The following SNX5 variants were observed in gnomAD, a reference collection of about 807,000 sequenced individuals.
The protein encoded by SNX5 is sorting nexin 5, also known as sorting nexin-5.
SNX5 carries 31 observed loss-of-function variants against 53.9 expected under a neutral mutation model. That is an observed-to-expected ratio of 0.58 (90% CI 0.43 to 0.78). The LOEUF is 0.78. SNX5 is among the 30% of genes least tolerant of loss of function. The probability of loss-of-function intolerance (pLI) is 0.00; values close to 1 mark genes in which losing one functional copy is unlikely to be tolerated. For synonymous variants in SNX5, 168 were observed against 171.1 expected (o/e 0.98, Z 0.14); for missense variants, 471 against 478.8 (o/e 0.98, Z 0.15).
rs1568590188 is a variant in SNX5, at chr20:17,950,273, G to C, written c.715+18C>G. The stretch of plus-strand genomic sequence containing the variant: ...AGGCTCATCAGCAAAGCTCTGACTA[G>C]CGGTAAATGATATTTACTTTTATGA... On this transcript the variant is annotated intron_variant, in intron 7 of 12. Coordinates refer to ENST00000377759, the MANE Select transcript of SNX5 (RefSeq NM_014426.4). 1 of 1,605,800 alleles carries C rather than the reference G, an allele frequency of 6.2e-7. No homozygotes were observed. The highest frequency in any genetic ancestry group is 1.7e-4 in the Middle Eastern group (1 of 6,046).
At chr20:17,949,667 T>C (rs938203540) in intron 8 of SNX5, among the ~76,000 whole-genome samples, 5 of 152,198 alleles carry the variant, frequency 3.3e-5, no homozygotes, top group African/African-American at 7.2e-5. Flanking sequence ...TGTGTTAGAC[T>C]GGGGTCATTA....
rs367713822 is a variant in SNX5, at chr20:17,955,393, A to G, written c.239T>C (p.Ile80Thr). 5.6e-6 allele frequency: 9 copies of G among 1,613,686 alleles called. No individual in the cohort carries two copies. The highest frequency in any genetic ancestry group is 1.7e-5 in the Admixed American group (1 of 60,008). Reference sequence around the variant, plus strand: ...AAGCCCAGCATAGTCTGTTGTTTCAATAAGAGTGTCATGTAGCCACACAAA... The same window carrying G: ...AAGCCCAGCATAGTCTGTTGTTTCAGTAAGAGTGTCATGTAGCCACACAAA... Reference protein sequence around the residue: ...EDFVWLHDTLIETTDYAGLII... With the variant: ...EDFVWLHDTLTETTDYAGLII... Residue 80 changes from isoleucine to threonine, a missense_variant, in exon 3 of 13, where the codon ATT (isoleucine) becomes ACT (threonine). Ile to Thr is a moderately conservative substitution (Grantham distance 89). Transcript: ENST00000377759.
rs780981111 is a variant in SNX5 at position 17,952,649 on chromosome 20, A to T, written c.451T>A (p.Ser151Thr). 2.5e-6 allele frequency: 4 copies of T among 1,614,156 alleles called. No individual in the cohort carries two copies. In the South Asian group the frequency reaches 4.4e-5, roughly 18 times the overall value. ...SSHEVFLQRLSSHPVLSKDRN... is the reference protein window; with the variant it reads ...SSHEVFLQRLTSHPVLSKDRN... ...TCTTTACTGAGAACAGGGTGAGAAG[A>T]AAGCCGCTGAAGAAAGACTTCATGG... Residue 151 changes from serine (S) to threonine (T), a missense_variant, in exon 5 of 13, where the codon TCT becomes ACT. Physicochemically the swap from Ser to Thr is moderately conservative, Grantham distance 58. Coordinates refer to ENST00000377759, the MANE Select transcript of SNX5 (RefSeq NM_014426.4).
chr20:17,965,743 T>C (rs1425747577), intron 1 of SNX5, among the ~76,000 whole-genome samples: 3 of 151,858 alleles, frequency 2.0e-5, no homozygotes, highest in Non-Finnish European at 4.4e-5. Flanking sequence ...TAATGACCTT[T>C]TAGAGTATTC....
At chr20:17,955,703 C>T (rs1265472488) in intron 2 of SNX5, among the ~76,000 whole-genome samples, 6 of 152,216 alleles carry the variant, frequency 3.9e-5, no homozygotes, top group Non-Finnish European at 5.9e-5. Context: ...TAATGAATAT[C>T]CCATCAGAAT....
intron 3 of SNX5, 151 bp from the exon 4 acceptor site, chr20:17,954,268 C>A: frequency 1.6e-6 from 2 of 1,264,696 alleles, no homozygotes; most frequent in African/African-American, 3.0e-5. Flanking sequence ...TCTTAACCTT[C>A]CTTAACTCTT....
In SNX5 at chr20:17,954,077, C is replaced by A. The variant is rs762534744; in HGVS notation, c.308G>T (p.Arg103Leu). The A allele has an allele frequency of 1.2e-6, 2 of 1,613,890 alleles. No homozygotes were observed. The highest frequency in any genetic ancestry group is 2.2e-5 in the East Asian group (1 of 44,882). The stretch of plus-strand genomic sequence containing the variant: ...TTCTCCCAGTTTCTGCATCTTCTCT[C>A]GAGGACCATCAAAGTCGGGCTTCGT... Reference protein sequence around the residue: ...APTKPDFDGPREKMQKLGEGE... With the variant: ...APTKPDFDGPLEKMQKLGEGE... Residue 103 changes from arginine (R) to leucine (L), a missense_variant, in exon 4 of 13, where the codon CGA (arginine) becomes CTA (leucine). Transcript: ENST00000377759.
chr20:17,958,799 T>G (rs1217379886), intron 1 of SNX5, among the ~76,000 whole-genome samples: 1 of 152,186 alleles, frequency 6.6e-6, no homozygotes, highest in African/African-American at 2.4e-5. Context: ...TCTGCTAAGT[T>G]AACACTGGCA....
intron 1 of SNX5, among the ~76,000 whole-genome samples, chr20:17,964,293 G>GT (rs2035503232): frequency 6.6e-6 from 1 of 151,944 alleles, no homozygotes; most frequent in Non-Finnish European, 1.5e-5. Flanking sequence ...ATGCTTAGGA[G>GT]TGTGCCCTTC....
intron 11 of SNX5, chr20:17,945,602 C>G (rs1051636404): frequency 1.2e-4 from 18 of 150,192 alleles, no homozygotes; most frequent in Middle Eastern, 3.4e-3. Context: ...TGTACGTTTC[C>G]TTGAAAATTT....
At chr20:17,961,910 A>C in intron 1 of SNX5, 1 of 985,108 alleles carries the variant, frequency 1.0e-6, no homozygotes, top group Non-Finnish European at 1.2e-6. Context: ...AATATTTGTT[A>C]AGTGAGAATA....
intron 1 of SNX5, 21 bp from the exon 2 acceptor site, chr20:17,957,058 A>G: frequency 7.2e-7 from 1 of 1,395,588 alleles, no homozygotes; most frequent in Non-Finnish European, 1.0e-6. Flanking sequence ...TTTTTTGCGT[A>G]TTAGTTTCAA....
chr20:17,949,132 A>T, intron 8 of SNX5, 29 bp from the exon 9 acceptor site: 2 of 1,598,620 alleles, frequency 1.3e-6, no homozygotes, highest in Non-Finnish European at 1.7e-6. Flanking sequence ...TTTTGGTTTA[A>T]GGTCTTAAAT....
chr20:17,964,909 C>T (rs2035513802), intron 1 of SNX5, among the ~76,000 whole-genome samples: 1 of 152,200 alleles, frequency 6.6e-6, no homozygotes, highest in African/African-American at 2.4e-5. Flanking sequence ...ACACGAAGCC[C>T]TCCCTTTGCA....
intron 2 of SNX5, among the ~76,000 whole-genome samples, chr20:17,955,936 C>T (rs963128073): frequency 4.6e-5 from 7 of 152,174 alleles, no homozygotes; most frequent in African/African-American, 1.7e-4. Flanking sequence ...GCTGGAACTA[C>T]AGGTGTGTGC....
At chr20:17,953,928 T>A (rs1415791813) in intron 4 of SNX5, 68 bp downstream of exon 4, 1 of 1,365,972 alleles carries the variant, frequency 7.3e-7, no homozygotes, top group Non-Finnish European at 1.0e-6. Flanking sequence ...GTTCTTCTAC[T>A]TATTTTTGTA....
intron 1 of SNX5, among the ~76,000 whole-genome samples, chr20:17,965,568 G>A (rs2035523946): frequency 6.6e-6 from 1 of 151,782 alleles, no homozygotes; most frequent in East Asian, 1.9e-4. Context: ...TACTCAGGAG[G>A]CTGAGGTGGG....
chr20:17,943,668 C>T (rs1358160342), intron 11 of SNX5: 1 of 155,874 alleles, frequency 6.4e-6, no homozygotes, highest in Non-Finnish European at 1.4e-5. Flanking sequence ...TTACCTCACA[C>T]CTGCTAGAAT....
intron 2 of SNX5, among the ~76,000 whole-genome samples, chr20:17,956,037 G>A (rs537521659): frequency 1.3e-5 from 2 of 152,192 alleles, no homozygotes; most frequent in African/African-American, 2.4e-5. Flanking sequence ...TTGTCCTCCC[G>A]AAGTGCTAGG....
Sources: allele counts gnomAD v4.1 joint callset (sites outside exome capture counted in the v4.1 genomes callset), GRCh38; gene constraint gnomAD v4.1.1; transcripts MANE v1.5; gene names NCBI Gene and HGNC (gene_info 2026-07-23, HGNC 2026-07-21).